The following ROBO1 variants were observed in gnomAD, a reference collection of about 807,000 sequenced individuals.
ROBO1 encodes the protein roundabout guidance receptor 1.
Under a neutral mutation model 195.9 loss-of-function variants are expected in ROBO1, and 149 were observed. The ratio of observed to expected loss-of-function variants is 0.76; its 90% CI spans 0.67 to 0.87. The LOEUF (loss-of-function observed/expected upper bound fraction) is 0.87. Among genes scored for constraint, ROBO1 ranks in the 40% least tolerant of loss-of-function variants. The pLI, the probability that ROBO1 is intolerant of heterozygous loss-of-function variation, is 0.00. For missense variants in ROBO1, 1,933 were observed against 2,068.3 expected, an observed-to-expected ratio of 0.93 and a Z score of 1.27; for synonymous variants, 816 against 733.2, an observed-to-expected ratio of 1.11 and a Z score of -1.82.
At chr3:79,643,184 A>C (rs1945717647) in intron 1 of ROBO1, among the ~76,000 whole-genome samples, 1 of 152,130 alleles carries the variant, frequency 6.6e-6, no homozygotes, top group Non-Finnish European at 1.5e-5. Context: ...CCTGCCCTCC[A>C]ACATTGGACT....
intron 1 of ROBO1, among the ~76,000 whole-genome samples, chr3:79,747,270 C>G (rs142396144): frequency 1.3e-5 from 2 of 151,972 alleles, no homozygotes; most frequent in South Asian, 2.1e-4. Flanking sequence ...GTTTGTTTAT[C>G]TGGATTTAAA....
chr3:79,243,470 T>C (rs1384036693), intron 2 of ROBO1, among the ~76,000 whole-genome samples: 1 of 152,044 alleles, frequency 6.6e-6, no homozygotes, highest in African/African-American at 2.4e-5. Flanking sequence ...AGTGTTCCTA[T>C]TTCTCCACAT....
At chr3:79,544,014 A>G (rs1942172845) in intron 2 of ROBO1, among the ~76,000 whole-genome samples, 1 of 152,132 alleles carries the variant, frequency 6.6e-6, no homozygotes, top group Non-Finnish European at 1.5e-5. Context: ...ACACCATAAA[A>G]GTGACACCCT....
intron 1 of ROBO1, among the ~76,000 whole-genome samples, chr3:79,723,330 T>C (rs576053152): frequency 2.0e-5 from 3 of 152,328 alleles, no homozygotes; most frequent in South Asian, 2.1e-4. Flanking sequence ...TGCTGAAATA[T>C]ATGATGGTTT....
chr3:79,016,888 G>A (rs1194726399), intron 3 of ROBO1, among the ~76,000 whole-genome samples: 1 of 152,190 alleles, frequency 6.6e-6, no homozygotes, highest in Non-Finnish European at 1.5e-5. Context: ...GAGGCAAATA[G>A]AGAGATCAGA....
intron 3 of ROBO1, among the ~76,000 whole-genome samples, chr3:79,056,013 G>A (rs915345180): frequency 3.9e-5 from 6 of 152,106 alleles, no homozygotes; most frequent in African/African-American, 1.2e-4. Context: ...GATGGTAACC[G>A]ATTTAAGGGC....
chr3:78,768,879 A>G (rs975318897), intron 4 of ROBO1, among the ~76,000 whole-genome samples: 1 of 135,508 alleles, frequency 7.4e-6, no homozygotes, highest in Admixed American at 8.8e-5. Flanking sequence ...CTCATTGTTC[A>G]ATTCCCACCT....
chr3:79,081,106 T>C (rs1436077297), intron 3 of ROBO1, among the ~76,000 whole-genome samples: 1 of 152,074 alleles, frequency 6.6e-6, no homozygotes, highest in Non-Finnish European at 1.5e-5. Flanking sequence ...AAACCCATTC[T>C]TTTTTTATAA....
rs370893248 is a variant in ROBO1, at chr3:79,331,903, G to A, written c.89-206364C>T. 5.9e-5 allele frequency among the ~76,000 whole-genome samples: 9 copies of A among 152,220 alleles called. No individual in the cohort carries two copies. The South Asian group carries it at 1.9e-3, about 32-fold the overall frequency. On this transcript the variant is annotated intron_variant, in intron 2 of 30. Transcript: ENST00000464233. ...CATGCCTGTAATCCCAGCACTTTGG[G>A]AGGCCGAGGCGGGCAGATCACGAGG...
intron 2 of ROBO1, among the ~76,000 whole-genome samples, chr3:79,572,938 C>A (rs529703109): frequency 6.0e-4 from 91 of 152,158 alleles, no homozygotes; most frequent in African/African-American, 2.0e-3. Flanking sequence ...GTGGGTGCAG[C>A]GTGGAGGTAG....
intron 2 of ROBO1, among the ~76,000 whole-genome samples, chr3:79,226,401 A>G (rs997328453): frequency 3.3e-5 from 5 of 152,238 alleles, no homozygotes; most frequent in Admixed American, 2.6e-4. Flanking sequence ...TCTTAACGGC[A>G]CACCAAGTCT....
At chr3:79,118,048 T>G (rs1232259033) in intron 3 of ROBO1, among the ~76,000 whole-genome samples, 1 of 152,134 alleles carries the variant, frequency 6.6e-6, no homozygotes, top group Admixed American at 6.5e-5. Flanking sequence ...GAGATGAGAC[T>G]GTACCCATGG....
chr3:79,126,264 C>A (rs2080213506), intron 2 of ROBO1, among the ~76,000 whole-genome samples: 1 of 152,080 alleles, frequency 6.6e-6, no homozygotes, highest in Admixed American at 6.6e-5. Context: ...ATTCCAAATT[C>A]CGTATAAGTA....
chr3:78,793,758 T>G (rs536136813), intron 4 of ROBO1, among the ~76,000 whole-genome samples: 1 of 152,180 alleles, frequency 6.6e-6, no homozygotes, highest in East Asian at 1.9e-4. Flanking sequence ...ATATTTAGTT[T>G]TTTTTTTTAA....
intron 1 of ROBO1, among the ~76,000 whole-genome samples, chr3:79,675,797 G>A (rs1312260011): frequency 1.3e-5 from 2 of 151,970 alleles, no homozygotes; most frequent in Non-Finnish European, 2.9e-5. Context: ...AAAGAAAAAT[G>A]ACTGTGTAGT....
intron 1 of ROBO1, among the ~76,000 whole-genome samples, chr3:79,600,280 T>C (rs770700434): frequency 5.3e-5 from 8 of 152,010 alleles, no homozygotes; most frequent in African/African-American, 2.4e-5. Flanking sequence ...CTAATAAGTG[T>C]TGCCTCTGAT....
At chr3:78,941,724 G>T (rs1187737904) in intron 3 of ROBO1, among the ~76,000 whole-genome samples, 3 of 152,162 alleles carry the variant, frequency 2.0e-5, no homozygotes, top group Non-Finnish European at 4.4e-5. Context: ...GTACACTTGT[G>T]GGACCTGCAA....
At chr3:78,709,868 C>T (rs1411608904) in intron 8 of ROBO1, among the ~76,000 whole-genome samples, 1 of 152,126 alleles carries the variant, frequency 6.6e-6, no homozygotes, top group African/African-American at 2.4e-5. Flanking sequence ...GACAAAAAAC[C>T]TTGGGCTGAA....
chr3:78,659,307 T>C (rs902687765), intron 17 of ROBO1, among the ~76,000 whole-genome samples: 14 of 152,036 alleles, frequency 9.2e-5, no homozygotes, highest in Non-Finnish European at 1.8e-4. Context: ...CATAAAGAGG[T>C]TTCTCAATTT....
Sources: gnomAD v4.1 joint callset for allele counts (sites outside exome capture counted in the v4.1 genomes callset) on GRCh38, gnomAD v4.1.1 for gene constraint, MANE v1.5 for transcripts, NCBI Gene and HGNC (gene_info 2026-07-23, HGNC 2026-07-21) for gene names.